STARD8: variants seen among roughly 807,000 people sequenced by gnomAD.
STARD8 encodes the protein stAR-related lipid transfer protein 8.
A neutral mutation model predicts 69.4 loss-of-function variants in STARD8; 25 were observed. The ratio of observed to expected loss-of-function variants is 0.36; its 90% CI spans 0.26 to 0.50. STARD8 has a LOEUF of 0.50. STARD8 is among the 20% of genes least tolerant of loss of function. The pLI is 0.96. For missense variants in STARD8, 921 were observed against 932.5 expected, an observed-to-expected ratio of 0.99 and a Z score of 0.16; for synonymous variants, 389 against 374.6, an observed-to-expected ratio of 1.04 and a Z score of -0.45.
chrX:68,657,299 G>A (rs1412008678), intron 1 of STARD8, among the ~76,000 whole-genome samples: 1 of 111,556 alleles, frequency 9.0e-6, no homozygotes, highest in Non-Finnish European at 1.9e-5. Context: ...TGTGTGTGGG[G>A]GAGTTTCCTT....
At chrX:68,652,784 A>C (rs1602533265) in intron 1 of STARD8, among the ~76,000 whole-genome samples, 7 of 43,334 alleles carry the variant, frequency 1.6e-4, no homozygotes, top group Admixed American at 5.4e-4. Flanking sequence ...CCCACACACC[A>C]CACACACACA....
At chrX:68,716,942 T>C (rs949205140) in intron 5 of STARD8, among the ~76,000 whole-genome samples, 3 of 112,127 alleles carry the variant, frequency 2.7e-5, no homozygotes, top group African/African-American at 6.5e-5. Context: ...GCTTCTGGTT[T>C]GTAGGTTTGT....
rs1326502837 is a variant in STARD8 at position 68,722,498 on chromosome X, C to G, written c.2651C>G (p.Ala884Gly). The G allele has an allele frequency of 1.7e-6, 2 of 1,209,931 alleles. No homozygotes were observed. Among genetic ancestry groups the G allele is most frequent in the Non-Finnish European group, 2.2e-6 (2 of 895,176 alleles). The change falls in exon 12 of 15, where the codon GCT becomes GGT. Residue 884 changes from alanine to glycine, a missense_variant. Ala to Gly is a moderately conservative substitution (Grantham distance 60). Transcript: ENST00000374599. The part of the protein sequence containing the change: ...AELSPPGPAL[A>G]ELRQAQAAGV... Reference sequence around the variant, plus strand: ...CTCAGCCCTCCCGGCCCAGCCCTGGCTGAGCTGCGTCAGGCCCAAGCTGCA... The same window carrying G: ...CTCAGCCCTCCCGGCCCAGCCCTGGGTGAGCTGCGTCAGGCCCAAGCTGCA...
At chrX:68,684,265 A>G (rs2079817437) in intron 2 of STARD8, among the ~76,000 whole-genome samples, 2 of 112,640 alleles carry the variant, frequency 1.8e-5, no homozygotes, top group African/African-American at 6.5e-5. Flanking sequence ...TGGTGGGAAT[A>G]AATAACCTCG....
chrX:68,696,605 G>A (rs2079921531), intron 2 of STARD8, among the ~76,000 whole-genome samples: 1 of 112,043 alleles, frequency 8.9e-6, no homozygotes, highest in South Asian at 3.7e-4. Context: ...AGGGGATTGG[G>A]AGTTGAACAT....
chrX:68,723,601 C>G, intron 12 of STARD8, 25 bp from the exon 13 acceptor site: 1 of 1,153,898 alleles, frequency 8.7e-7, no homozygotes, highest in Non-Finnish European at 1.2e-6. Context: ...ACAGCTGCCC[C>G]CATCCCCACT....
intron 4 of STARD8, among the ~76,000 whole-genome samples, chrX:68,716,109 G>T (rs764296278): frequency 3.6e-5 from 4 of 112,038 alleles, no homozygotes; most frequent in Non-Finnish European, 7.5e-5. Flanking sequence ...CCCTGTGTTT[G>T]TCTGCTGTGC....
In STARD8 at chrX:68,722,438, T is replaced by A; in HGVS notation, c.2591T>A (p.Val864Glu). 8.3e-7 allele frequency: 1 copy of A among 1,201,850 alleles called. No homozygotes were observed. Residue 864 changes from valine (V) to glutamate (E), a missense_variant, in exon 12 of 15, where the codon GTG becomes GAG. Coordinates refer to ENST00000374599, the MANE Select transcript of STARD8 (RefSeq NM_001142503.3). ...CCCTCTCAGGTGCCCCAGGACATGGTGCTGCAGCTGTGCAGCTCCTACAGC... is the reference window on the plus strand; with the variant it reads ...CCCTCTCAGGTGCCCCAGGACATGGAGCTGCAGCTGTGCAGCTCCTACAGC... ...KKLFQVPQDM[V>E]LQLCSSYSAA...
intron 2 of STARD8, among the ~76,000 whole-genome samples, chrX:68,687,115 T>C (rs1283229954): frequency 9.1e-6 from 1 of 110,152 alleles, no homozygotes; most frequent in Non-Finnish European, 1.9e-5. Flanking sequence ...TTTTTTGGTC[T>C]CCAGATCGTT....
intron 1 of STARD8, among the ~76,000 whole-genome samples, chrX:68,658,698 A>C (rs1326010264): frequency 8.9e-6 from 1 of 112,571 alleles, no homozygotes; most frequent in African/African-American, 3.2e-5. Context: ...TGCATTTCCA[A>C]GTCACTTGTA....
intron 1 of STARD8, among the ~76,000 whole-genome samples, chrX:68,664,174 C>A (rs759347712): frequency 3.2e-4 from 36 of 111,602 alleles, no homozygotes; most frequent in Non-Finnish European, 6.8e-4. Flanking sequence ...GGAGAACAGG[C>A]AAGAAGACCC....
intron 2 of STARD8, among the ~76,000 whole-genome samples, chrX:68,712,270 A>G (rs1053651590): frequency 5.4e-5 from 6 of 112,079 alleles, no homozygotes; most frequent in African/African-American, 2.0e-4. Context: ...TATAATGAGC[A>G]TGGGGGTGCT....
At chrX:68,660,750 G>A (rs1003339985) in intron 1 of STARD8, among the ~76,000 whole-genome samples, 7 of 112,658 alleles carry the variant, frequency 6.2e-5, no homozygotes, top group African/African-American at 1.3e-4. Context: ...TCCCATGTAC[G>A]TACAAGTGGC....
intron 3 of STARD8, among the ~76,000 whole-genome samples, chrX:68,713,876 G>A (rs982756799): frequency 7.1e-5 from 8 of 111,939 alleles, no homozygotes; most frequent in African/African-American, 2.6e-4. Context: ...TCTGATTGGT[G>A]TCTCGGATTA....
chrX:68,692,122 T>C (rs2079880950), intron 2 of STARD8, among the ~76,000 whole-genome samples: 1 of 111,977 alleles, frequency 8.9e-6, no homozygotes, highest in African/African-American at 3.2e-5. Flanking sequence ...CTTACAATTG[T>C]TAAAGCCCAG....
intron 12 of STARD8, among the ~76,000 whole-genome samples, chrX:68,723,242 A>G (rs2147941954): frequency 8.9e-6 from 1 of 112,561 alleles, no homozygotes; most frequent in Non-Finnish European, 1.9e-5. Flanking sequence ...AATGCCTGGT[A>G]CATACTAAAG....
chrX:68,694,160 G>A, intron 2 of STARD8, among the ~76,000 whole-genome samples: 1 of 113,178 alleles, frequency 8.8e-6, no homozygotes, highest in Non-Finnish European at 1.9e-5. Context: ...TTGGAGGGGC[G>A]TTGCAGCTGG....
intron 8 of STARD8, among the ~76,000 whole-genome samples, chrX:68,720,686 G>A (rs761759989): frequency 1.8e-5 from 2 of 112,842 alleles, no homozygotes; most frequent in Non-Finnish European, 3.8e-5. Flanking sequence ...AATTTGCCTA[G>A]ATCCACCTTT....
intron 2 of STARD8, among the ~76,000 whole-genome samples, chrX:68,694,052 C>T (rs186076146): frequency 2.4e-3 from 272 of 113,326 alleles, no homozygotes; most frequent in Middle Eastern, 9.3e-3. Flanking sequence ...GCGCCAGCCG[C>T]GCGTCTTCCA....
Sources: gnomAD v4.1 joint callset for allele counts (sites outside exome capture counted in the v4.1 genomes callset) on GRCh38, gnomAD v4.1.1 for gene constraint, MANE v1.5 for transcripts, NCBI Gene and HGNC (gene_info 2026-07-23, HGNC 2026-07-21) for gene names.